The following LCLAT1 variants were observed in gnomAD, a reference collection of about 807,000 sequenced individuals.
LCLAT1 encodes the protein 1-AGP acyltransferase 8.
In LCLAT1, 11 loss-of-function variants were observed where a neutral mutation model predicts 30.7. The observed-to-expected ratio is 0.36, with a 90% CI of 0.23 to 0.59. The LOEUF (loss-of-function observed/expected upper bound fraction) is 0.59. Among genes scored for constraint, LCLAT1 ranks in the 20% least tolerant of loss-of-function variants. The pLI, the probability that LCLAT1 is intolerant of heterozygous loss-of-function variation, is 0.77. For synonymous variants in LCLAT1, 155 were observed against 151.3 expected, an observed-to-expected ratio of 1.02 and a Z score of -0.18; for missense variants, 402 against 458.6, an observed-to-expected ratio of 0.88 and a Z score of 1.13.
intron 1 of LCLAT1, among the ~76,000 whole-genome samples, chr2:30,450,516 AT>A (rs60511388): frequency 0.25 from 37,667 of 152,104 alleles, 5,242 homozygotes; most frequent in Non-Finnish European, 0.32. Context: ...GGGTGTTAGA[AT>A]TTTTTTCTTT....
At chr2:30,533,422 G>T (rs1384039013) in intron 3 of LCLAT1, 108 bp downstream of exon 3, 9 of 862,658 alleles carry the variant, frequency 1.0e-5, no homozygotes, top group South Asian at 1.0e-4. Flanking sequence ...TCCTCACTGG[G>T]CCAAAAACAA....
intron 1 of LCLAT1, among the ~76,000 whole-genome samples, chr2:30,456,417 A>G (rs1681838914): frequency 1.1e-5 from 1 of 93,992 alleles, no homozygotes; most frequent in South Asian, 3.8e-4. Flanking sequence ...AGGGGGTCTT[A>G]TTACCACCTG....
rs1378936289 is a variant in LCLAT1, at chr2:30,506,261, T to C, written c.-4-19326T>C. 4.6e-5 allele frequency among the ~76,000 whole-genome samples: 7 copies of C among 152,226 alleles called. No homozygotes were observed. In the East Asian group the frequency reaches 5.8e-4, roughly 13 times the overall value. The stretch of plus-strand genomic sequence containing the variant: ...AGTTTGTTCCTTTCCTGTTGTCTGT[T>C]TGTTTTTTCCAAACAGATAAAGGTT... On this transcript the variant is annotated intron_variant, in intron 1 of 5. Transcript: ENST00000379509.
intron 5 of LCLAT1, among the ~76,000 whole-genome samples, chr2:30,588,711 C>T (rs1666552714): frequency 6.6e-6 from 1 of 152,290 alleles, no homozygotes; most frequent in East Asian, 1.9e-4. Flanking sequence ...AACAATTCTC[C>T]TGCCTCAGCC....
Position 30,533,218 on chromosome 2 carries a change from G to GA in LCLAT1, c.269dup (p.Asp90GlufsTer13). On this transcript the variant is annotated frameshift_variant, in exon 3 of 6. Transcript: ENST00000379509. LOFTEE classifies it high-confidence loss of function. ...TATCATGAACCATCGGACAAGAATGGACTGGATGTTCCTGTGGAATTGCCT... is the reference window on the plus strand; with the variant it reads ...TATCATGAACCATCGGACAAGAATGGAACTGGATGTTCCTGTGGAATTGCCT... The GA allele has an allele frequency of 6.2e-7, 1 of 1,613,968 alleles. No individual in the cohort carries two copies. Among genetic ancestry groups the GA allele is most frequent in the Non-Finnish European group, 8.5e-7 (1 of 1,179,830 alleles).
At chr2:30,559,133 T>G (rs1165577163) in intron 3 of LCLAT1, among the ~76,000 whole-genome samples, 1 of 152,194 alleles carries the variant, frequency 6.6e-6, no homozygotes, top group East Asian at 1.9e-4. Flanking sequence ...GTGATTCTAC[T>G]TATATGATTT....
intron 5 of LCLAT1, among the ~76,000 whole-genome samples, chr2:30,636,714 A>C (rs1295214662): frequency 6.6e-6 from 1 of 152,210 alleles, no homozygotes; most frequent in Non-Finnish European, 1.5e-5. Context: ...ATAGATCATC[A>C]AGAAGAAGGA....
At chr2:30,562,568 C>T (rs961904183) in intron 4 of LCLAT1, among the ~76,000 whole-genome samples, 12 of 152,100 alleles carry the variant, frequency 7.9e-5, no homozygotes, top group Admixed American at 6.5e-4. Flanking sequence ...CTCAGTTAAT[C>T]AATAGCATGT....
At chr2:30,562,840 G>C (rs1341055117) in intron 4 of LCLAT1, among the ~76,000 whole-genome samples, 1 of 151,884 alleles carries the variant, frequency 6.6e-6, no homozygotes, top group East Asian at 1.9e-4. Context: ...CTACTCCTCA[G>C]CGTCTTCCTC....
intron 1 of LCLAT1, among the ~76,000 whole-genome samples, chr2:30,496,072 G>T (rs1684095448): frequency 6.6e-6 from 1 of 152,140 alleles, no homozygotes; most frequent in Non-Finnish European, 1.5e-5. Flanking sequence ...CAAAGGGGAA[G>T]CTGGATTGCC....
At chr2:30,601,178 G>C (rs139346275) in intron 5 of LCLAT1, among the ~76,000 whole-genome samples, 2,228 of 152,172 alleles carry the variant, frequency 0.015, 50 homozygotes, top group African/African-American at 0.051. Flanking sequence ...CTGGTTAACA[G>C]CTCCTGTAAT....
chr2:30,565,682 C>G (rs946125462), intron 4 of LCLAT1, among the ~76,000 whole-genome samples: 3 of 151,958 alleles, frequency 2.0e-5, no homozygotes, highest in Non-Finnish European at 4.4e-5. Context: ...CCTACTCTCA[C>G]GAAGTTTACG....
chr2:30,491,090 G>A (rs1683814984), intron 1 of LCLAT1, among the ~76,000 whole-genome samples: 1 of 152,100 alleles, frequency 6.6e-6, no homozygotes, highest in Admixed American at 6.6e-5. Flanking sequence ...TATTTCTATT[G>A]GGTATTGCTA....
At position 30,600,205 on chromosome 2, in the gene LCLAT1, A is replaced by G. The variant is rs568195460; in HGVS notation, c.628+32029A>G. Reference sequence around the variant, plus strand: ...TTTGGTCTAGAAGAAAAGAAAAAGAAAGAAACTCACTCAAAACCATACAAC... The same window carrying G: ...TTTGGTCTAGAAGAAAAGAAAAAGAGAGAAACTCACTCAAAACCATACAAC... On this transcript the variant is annotated intron_variant, in intron 5 of 5. Coordinates refer to ENST00000379509, the MANE Select transcript of LCLAT1 (RefSeq NM_001002257.3). Among the ~76,000 whole-genome samples, 5 of 152,334 alleles carry G rather than the reference A, an allele frequency of 3.3e-5. No individual in the cohort carries two copies. The South Asian group carries it at 1.0e-3, about 32-fold the overall frequency.
intron 5 of LCLAT1, among the ~76,000 whole-genome samples, chr2:30,583,395 C>T (rs1344481119): frequency 2.0e-5 from 3 of 152,228 alleles, no homozygotes; most frequent in Admixed American, 6.5e-5. Context: ...ACCACAATAG[C>T]AGTGTTGTCC....
chr2:30,473,935 G>T (rs1187495010), intron 1 of LCLAT1, among the ~76,000 whole-genome samples: 2 of 152,162 alleles, frequency 1.3e-5, no homozygotes, highest in African/African-American at 4.8e-5. Flanking sequence ...GACCTTTCCA[G>T]TCCAATTCAC....
intron 1 of LCLAT1, among the ~76,000 whole-genome samples, chr2:30,452,605 A>AT (rs915320167): frequency 2.0e-5 from 3 of 152,240 alleles, no homozygotes; most frequent in African/African-American, 2.4e-5. Flanking sequence ...AACATAATAG[A>AT]TTTTTTTGTT....
At chr2:30,545,688 T>C (rs946426856) in intron 3 of LCLAT1, among the ~76,000 whole-genome samples, 35 of 152,178 alleles carry the variant, frequency 2.3e-4, no homozygotes, top group Non-Finnish European at 2.9e-5. Flanking sequence ...TGGTGGTGCA[T>C]ATGTAGATTT....
intron 5 of LCLAT1, among the ~76,000 whole-genome samples, chr2:30,608,277 G>T (rs1303782998): frequency 6.6e-6 from 1 of 150,976 alleles, no homozygotes; most frequent in African/African-American, 2.4e-5. Flanking sequence ...CTCCAGCCTG[G>T]GTGACAGAGT....
Sources: allele counts gnomAD v4.1 joint callset (sites outside exome capture counted in the v4.1 genomes callset), GRCh38; gene constraint gnomAD v4.1.1; transcripts MANE v1.5; gene names NCBI Gene and HGNC (gene_info 2026-07-23, HGNC 2026-07-21).